The following DDI2 variants were observed in gnomAD, a reference collection of about 807,000 sequenced individuals.
The protein encoded by DDI2 is DDI proteasomal shuttling factor 2, also known as protein DDI1 homolog 2.
A neutral mutation model predicts 48.1 loss-of-function variants in DDI2; 5 were observed. The observed-to-expected ratio is 0.10, with a 90% CI of 0.05 to 0.22. The LOEUF (loss-of-function observed/expected upper bound fraction) is 0.22. DDI2 is among the 10% of genes least tolerant of loss of function. The pLI, the probability that DDI2 is intolerant of heterozygous loss-of-function variation, is 1.00. For synonymous variants in DDI2, 205 were observed against 183.6 expected, an observed-to-expected ratio of 1.12 and a Z score of -0.94; for missense variants, 285 against 506.2, an observed-to-expected ratio of 0.56 and a Z score of 4.19.
rs751427016 is a variant in DDI2, at chr1:15,660,608, C to T, written c.*818C>T. 1.2e-6 allele frequency: 2 copies of T among 1,614,010 alleles called. No individual in the cohort carries two copies. Among genetic ancestry groups the T allele is most frequent in the South Asian group, 1.1e-5 (1 of 91,018 alleles). ...TGCAGTGGCTGCTCAAATTCAGAAA[C>T]ATTTATGGAAATCGATACAGCTCAA... On this transcript the variant is annotated 3_prime_UTR_variant, in exon 10 of 10. Transcript: ENST00000480945.
At position 15,660,997 on chromosome 1, in the gene DDI2, G is replaced by A. The variant is rs754021065; in HGVS notation, c.*1207G>A. 6.2e-7 allele frequency: 1 copy of A among 1,614,014 alleles called. No homozygotes were observed. On this transcript the variant is annotated 3_prime_UTR_variant, in exon 10 of 10. Coordinates refer to ENST00000480945, the MANE Select transcript of DDI2 (RefSeq NM_032341.5). ...ACCAGCTTCAGAAAATACATCTGAA[G>A]AAGTAATCTGTCAATCAGAAACCAT...
chr1:15,654,117 A>C (rs1445235544), intron 8 of DDI2, among the ~76,000 whole-genome samples: 4 of 152,202 alleles, frequency 2.6e-5, no homozygotes, highest in African/African-American at 9.7e-5. Flanking sequence ...CTAGTATCAC[A>C]CATTGCTTTT....
At position 15,656,682 on chromosome 1, in the gene DDI2, A is replaced by G; in HGVS notation, c.*46+3A>G. 6.2e-7 allele frequency: 1 copy of G among 1,614,088 alleles called. No homozygotes were observed. The highest frequency in any genetic ancestry group is 8.5e-7 in the Non-Finnish European group (1 of 1,179,968). On this transcript the variant is annotated splice_donor_region_variant and intron_variant, in intron 9 of 9. Coordinates refer to ENST00000480945, the MANE Select transcript of DDI2 (RefSeq NM_032341.5). ...AGCTGGAGTGGGCCCCAGACCAGGT[A>G]TTTATAGACACCATGTTAAGCCTTC...
chr1:15,636,194 C>T (rs777901271), intron 4 of DDI2, among the ~76,000 whole-genome samples: 7 of 152,154 alleles, frequency 4.6e-5, no homozygotes, highest in South Asian at 4.2e-4. Context: ...TGTAGTGGCA[C>T]GATCATGGCT....
chr1:15,647,981 T>A (rs1189441341), intron 6 of DDI2, among the ~76,000 whole-genome samples: 1 of 152,198 alleles, frequency 6.6e-6, no homozygotes, highest in Non-Finnish European at 1.5e-5. Context: ...AATTTTTTTT[T>A]ACAAATAAAA....
At chr1:15,634,135 A>G (rs1211365216) in intron 4 of DDI2, 3 of 179,768 alleles carry the variant, frequency 1.7e-5, no homozygotes, top group Non-Finnish European at 3.5e-5. Context: ...CTGGGGCTAT[A>G]GTAAAATCAC....
chr1:15,661,417 A>G lies in DDI2; in HGVS notation c.*1627A>G. 2 of 1,614,204 alleles carry G rather than the reference A, an allele frequency of 1.2e-6. No individual in the cohort carries two copies. Among genetic ancestry groups the G allele is most frequent in the South Asian group, 1.1e-5 (1 of 91,090 alleles). The stretch of plus-strand genomic sequence containing the variant: ...TGAGCAAACTAAGTCTTTGTCATCC[A>G]ATTTCATATTGGTTAAAGACTTAGG... On this transcript the variant is annotated 3_prime_UTR_variant, in exon 10 of 10. Transcript: ENST00000480945.
intron 1 of DDI2, among the ~76,000 whole-genome samples, chr1:15,618,526 A>G (rs1639603128): frequency 6.6e-6 from 1 of 152,100 alleles, no homozygotes. Context: ...CACAGTTCAG[A>G]GTTTGGGTCA....
intron 1 of DDI2, among the ~76,000 whole-genome samples, chr1:15,619,952 C>G (rs1177676930): frequency 6.6e-6 from 1 of 152,090 alleles, no homozygotes; most frequent in African/African-American, 2.4e-5. Flanking sequence ...GGATACCTGA[C>G]ACCCCCTTTA....
chr1:15,656,785 A>G (rs1220902580), intron 9 of DDI2, 106 bp downstream of exon 9: 2 of 1,515,960 alleles, frequency 1.3e-6, no homozygotes, highest in African/African-American at 2.7e-5. Context: ...TCACCATTTC[A>G]CCTTGTTCAA....
chr1:15,638,490 G>T, intron 5 of DDI2, 56 bp downstream of exon 5: 1 of 1,575,838 alleles, frequency 6.3e-7, no homozygotes, highest in East Asian at 2.3e-5. Context: ...TACCTGACAC[G>T]GGAGAAGGGG....
At chr1:15,625,912 C>T (rs1214280717) in intron 1 of DDI2, among the ~76,000 whole-genome samples, 3 of 152,160 alleles carry the variant, frequency 2.0e-5, no homozygotes, top group Non-Finnish European at 2.9e-5. Flanking sequence ...CCAGCGTGCC[C>T]GGCCCAGAGT....
intron 5 of DDI2, among the ~76,000 whole-genome samples, chr1:15,641,821 G>C (rs1640013214): frequency 6.6e-6 from 1 of 151,996 alleles, no homozygotes; most frequent in South Asian, 2.1e-4. Flanking sequence ...CGGGCATGGT[G>C]GCACTTGCAT....
At chr1:15,634,925 C>T (rs952939058) in intron 4 of DDI2, among the ~76,000 whole-genome samples, 17 of 152,140 alleles carry the variant, frequency 1.1e-4, no homozygotes, top group African/African-American at 4.1e-4. Flanking sequence ...AACACCATGT[C>T]CTGCCTCTTA....
chr1:15,623,827 A>C (rs1462689240), intron 1 of DDI2, among the ~76,000 whole-genome samples: 1 of 152,176 alleles, frequency 6.6e-6, no homozygotes, highest in South Asian at 2.1e-4. Flanking sequence ...TTAGGAGGCC[A>C]AGGCGGGCAG....
intron 3 of DDI2, among the ~76,000 whole-genome samples, chr1:15,631,055 G>A (rs1176546305): frequency 6.6e-6 from 1 of 152,210 alleles, no homozygotes; most frequent in Non-Finnish European, 1.5e-5. Context: ...GTGTTAGCCA[G>A]GATGGTCTCG....
chr1:15,644,586 T>TG (rs1557619648), intron 6 of DDI2, among the ~76,000 whole-genome samples: 6 of 116,090 alleles, frequency 5.2e-5, no homozygotes, highest in Non-Finnish European at 8.7e-5. Context: ...CAGTTTTTTT[T>TG]GTTTTTTTTT....
intron 3 of DDI2, among the ~76,000 whole-genome samples, chr1:15,632,639 C>A (rs963869358): frequency 1.3e-5 from 2 of 152,060 alleles, no homozygotes; most frequent in Middle Eastern, 3.2e-3. Flanking sequence ...AGAACACACA[C>A]AAAATATAGG....
At chr1:15,656,358 CTA>C (rs1640273686) in intron 8 of DDI2, 2 of 1,313,942 alleles carry the variant, frequency 1.5e-6, no homozygotes, top group East Asian at 3.2e-5. Flanking sequence ...CGTGAATTCT[CTA>C]TGTGTAGAAA....
Sources: gnomAD v4.1 joint callset for allele counts (sites outside exome capture counted in the v4.1 genomes callset) on GRCh38, gnomAD v4.1.1 for gene constraint, MANE v1.5 for transcripts, NCBI Gene and HGNC (gene_info 2026-07-23, HGNC 2026-07-21) for gene names.